Variants in RP1 observed in about 807,000 individuals in gnomAD.
RP1 encodes RP1 axonemal microtubule associated.
In RP1, 16 loss-of-function variants were observed where a neutral mutation model predicts 14.8. The observed-to-expected ratio is 1.08, with a 90% confidence interval of 0.73 to 1.65. The LOEUF (loss-of-function observed/expected upper bound fraction) is 1.65. RP1 is among the 40% of genes most tolerant of loss of function. The pLI is 0.00. For synonymous variants in RP1, 876 were observed against 883.6 expected, an observed-to-expected ratio of 0.99 and a Z score of 0.15; for missense variants, 2,631 against 2,535.0, an observed-to-expected ratio of 1.04 and a Z score of -0.81.
chr8:54,772,514 A>G (rs1809933668), downstream of RP1, among the ~76,000 whole-genome samples: 1 of 152,168 alleles, frequency 6.6e-6, no homozygotes, highest in Non-Finnish European at 1.5e-5. Flanking sequence ...AGAAGCAGTG[A>G]TGGTAACATT....
chr8:54,756,383 A>G (rs959324711), intron 21 of RP1, among the ~76,000 whole-genome samples: 21 of 152,228 alleles, frequency 1.4e-4, no homozygotes, highest in Admixed American at 5.2e-4. Context: ...ATCTAAAGGC[A>G]TATTTTTAAG....
chr8:54,670,426 TG>T (rs1211639448), intron 7 of RP1, among the ~76,000 whole-genome samples: 3 of 149,938 alleles, frequency 2.0e-5, no homozygotes, highest in Non-Finnish European at 3.0e-5. Flanking sequence ...TGTATGTGTA[TG>T]TATGTATATA....
At chr8:54,648,431 T>G (rs1806591042) in intron 3 of RP1, among the ~76,000 whole-genome samples, 1 of 152,208 alleles carries the variant, frequency 6.6e-6, no homozygotes, top group Non-Finnish European at 1.5e-5. Flanking sequence ...TACTTCTGTT[T>G]GTAGGATTTA....
At chr8:54,751,654 T>C (rs1289950158) in intron 19 of RP1, among the ~76,000 whole-genome samples, 2 of 152,254 alleles carry the variant, frequency 1.3e-5, no homozygotes, top group African/African-American at 2.4e-5. Flanking sequence ...TCCATGTTTG[T>C]TTCACTTGCC....
In RP1 at chr8:54,625,212, C is replaced by T; in HGVS notation, c.1330C>T (p.His444Tyr). The T allele has an allele frequency of 6.2e-7, 1 of 1,614,096 alleles. No homozygotes were observed. Among genetic ancestry groups the T allele is most frequent in the Non-Finnish European group, 8.5e-7 (1 of 1,180,022 alleles). ...CCAGGGAACTCAAGACCAAGCAAAG[C>T]ATCGTTTTTATAGGCCCCCTACACC... ...IIQGTQDQAK[H>Y]RFYRPPTPGL... Residue 444 changes from histidine (H) to tyrosine (Y), a missense_variant, in exon 4 of 4, where the codon CAT (histidine) becomes TAT (tyrosine). His to Tyr is a moderately conservative substitution (Grantham distance 83). Coordinates refer to ENST00000220676, the MANE Select transcript of RP1 (RefSeq NM_006269.2).
chr8:54,654,517 G>T (rs539064516), intron 5 of RP1, among the ~76,000 whole-genome samples: 1 of 152,222 alleles, frequency 6.6e-6, no homozygotes, highest in East Asian at 1.9e-4. Context: ...TTTTTCTCAT[G>T]GGTTCTCAGG....
At chr8:54,721,875 C>T (rs1808544828) in intron 16 of RP1, among the ~76,000 whole-genome samples, 1 of 152,176 alleles carries the variant, frequency 6.6e-6, no homozygotes, top group African/African-American at 2.4e-5. Context: ...ACAAGAAGAG[C>T]ATTCCATTGG....
At chr8:54,787,959 A>G (rs546789872) in intron 24 of RP1, among the ~76,000 whole-genome samples, 2 of 152,354 alleles carry the variant, frequency 1.3e-5, no homozygotes, top group South Asian at 2.1e-4. Flanking sequence ...GAGTGCAACA[A>G]TACTTTATAA....
intron 1 of RP1, among the ~76,000 whole-genome samples, chr8:54,565,752 G>C (rs944918914): frequency 2.3e-4 from 35 of 152,174 alleles, no homozygotes; most frequent in Non-Finnish European, 5.1e-4. Context: ...TCTCTCATCA[G>C]ACTTACTTCC....
At chr8:54,837,383 A>G (rs1460173258) in intron 24 of RP1, 12 of 639,100 alleles carry the variant, frequency 1.9e-5, no homozygotes, top group Non-Finnish European at 2.7e-5. Context: ...TGAGTTCAAA[A>G]TGGAATATGA....
rs537828526 is a variant in RP1 at position 54,833,334 on chromosome 8, A to T, written c.3616-4116A>T. On this transcript the variant is annotated intron_variant, in intron 24 of 28. Coordinates refer to the RP1 transcript ENST00000637698. ...TAGATATTGGCTATTTTCAAGGGTA[A>T]GGTCTTTTCTCCCTCATTTAAGGTC... Among the ~76,000 whole-genome samples, 6 of 152,058 alleles carry T rather than the reference A, an allele frequency of 3.9e-5. No homozygotes were observed. In the East Asian group the frequency reaches 1.2e-3, roughly 29 times the overall value.
At chr8:54,841,480 T>C (rs1291010002) in intron 25 of RP1, among the ~76,000 whole-genome samples, 1 of 152,190 alleles carries the variant, frequency 6.6e-6, no homozygotes, top group African/African-American at 2.4e-5. Context: ...TTTGTGACAT[T>C]GTCTTTATTT....
In RP1 at chr8:54,621,423, C is replaced by A. The variant is rs779904310; in HGVS notation, c.457C>A (p.Pro153Thr). ...AVAAPGMPRP[P>T]RSLVVFRNGD... ...CGCTGCTCCCGGCATGCCCCGCCCC[C>A]CACGGAGCCTAGTGGTCTTCAGGAA... The change falls in exon 2 of 4, where the codon CCA becomes ACA. Residue 153 changes from proline to threonine, a missense_variant. Coordinates refer to ENST00000220676, the MANE Select transcript of RP1 (RefSeq NM_006269.2). The A allele has an allele frequency of 6.2e-7, 1 of 1,613,680 alleles. No homozygotes were observed.
intron 27 of RP1, chr8:54,857,140 T>C: frequency 1.1e-6 from 1 of 952,170 alleles, no homozygotes; most frequent in Non-Finnish European, 1.4e-6. Context: ...AAGTTTATTT[T>C]GCAAATTTAT....
chr8:54,716,496 G>A (rs1307626666), intron 15 of RP1, among the ~76,000 whole-genome samples: 1 of 151,994 alleles, frequency 6.6e-6, no homozygotes, highest in Non-Finnish European at 1.5e-5. Flanking sequence ...GGCTGATTTG[G>A]TTTGTCCCTG....
At chr8:54,652,786 G>A (rs1164679531) in exon 5 of RP1, 1 of 1,535,368 alleles carries the variant, frequency 6.5e-7, no homozygotes, top group South Asian at 1.2e-5. Context: ...ATAGATAACA[G>A]TTGGAGACAT....
chr8:54,569,759 C>A (rs1255508463), intron 1 of RP1, among the ~76,000 whole-genome samples: 1 of 152,168 alleles, frequency 6.6e-6, no homozygotes, highest in Non-Finnish European at 1.5e-5. Context: ...GACACTATCC[C>A]CACCTTGTGG....
intron 17 of RP1, chr8:54,734,443 C>G (rs1694841226): frequency 2.7e-6 from 3 of 1,130,244 alleles, no homozygotes; most frequent in Non-Finnish European, 2.5e-6. Context: ...TTGCTTCACC[C>G]TACCCTGCCC....
chr8:54,729,080 A>G (rs1808729099), intron 17 of RP1, among the ~76,000 whole-genome samples: 1 of 152,250 alleles, frequency 6.6e-6, no homozygotes, highest in African/African-American at 2.4e-5. Context: ...GTTTGGAAAC[A>G]CTGCATTTAA....
Sources: allele counts gnomAD v4.1 joint callset (sites outside exome capture counted in the v4.1 genomes callset), GRCh38; gene constraint gnomAD v4.1.1; transcripts MANE v1.5; gene names NCBI Gene and HGNC (gene_info 2026-07-23, HGNC 2026-07-21).